IL1RAPL1: variants seen among roughly 807,000 people sequenced by gnomAD.
IL1RAPL1 encodes the protein interleukin-1 receptor accessory protein-like 1.
In IL1RAPL1, 3 loss-of-function variants were observed where a neutral mutation model predicts 48.4. The ratio of observed to expected loss-of-function variants is 0.06; its 90% CI spans 0.03 to 0.16. The LOEUF (loss-of-function observed/expected upper bound fraction) is 0.16. IL1RAPL1 is among the 10% of genes least tolerant of loss of function. The pLI is 1.00. For missense variants in IL1RAPL1, 349 were observed against 530.6 expected (o/e 0.66, Z 3.36); for synonymous variants, 185 against 187.7 (o/e 0.99, Z 0.12).
intron 3 of IL1RAPL1, among the ~76,000 whole-genome samples, chrX:29,318,905 A>G (rs1932780297): frequency 8.9e-6 from 1 of 112,013 alleles, no homozygotes; most frequent in Non-Finnish European, 1.9e-5. Flanking sequence ...ATTATAGATC[A>G]ACAATTATTT....
At chrX:29,560,411 A>G (rs887444805) in intron 5 of IL1RAPL1, among the ~76,000 whole-genome samples, 1 of 111,907 alleles carries the variant, frequency 8.9e-6, no homozygotes, top group Non-Finnish European at 1.9e-5. Flanking sequence ...CTAAATATCT[A>G]TATCTATCTC....
intron 9 of IL1RAPL1, among the ~76,000 whole-genome samples, chrX:29,944,844 C>A: frequency 9.0e-6 from 1 of 110,952 alleles, no homozygotes; most frequent in East Asian, 2.8e-4. Context: ...GGCCTCCAGT[C>A]ACAAGTTTCA....
At chrX:29,267,159 C>A (rs760180904) in intron 2 of IL1RAPL1, among the ~76,000 whole-genome samples, 1 of 112,132 alleles carries the variant, frequency 8.9e-6, no homozygotes, top group Non-Finnish European at 1.9e-5. Flanking sequence ...TGTTAACCTG[C>A]CTTTTCTCAC....
chrX:29,111,270 T>G (rs1341074583), intron 2 of IL1RAPL1, among the ~76,000 whole-genome samples: 1 of 112,077 alleles, frequency 8.9e-6, no homozygotes, highest in African/African-American at 3.2e-5. Flanking sequence ...TTAAAAAAAC[T>G]GTTTCACTAA....
chrX:29,599,402 G>T (rs2147061140), intron 5 of IL1RAPL1, among the ~76,000 whole-genome samples: 1 of 112,040 alleles, frequency 8.9e-6, no homozygotes, highest in Non-Finnish European at 1.9e-5. Context: ...TAATCTAATA[G>T]GTTTTCCTTT....
chrX:28,691,654 T>C (rs980492430), intron 1 of IL1RAPL1, among the ~76,000 whole-genome samples: 1 of 111,710 alleles, frequency 9.0e-6, no homozygotes, highest in Non-Finnish European at 1.9e-5. Context: ...ATGAGAGCAC[T>C]CTTCTTCTTC....
intron 8 of IL1RAPL1, 46 bp from the exon 9 acceptor site, chrX:29,941,605 G>A (rs762924946): frequency 1.6e-5 from 18 of 1,158,088 alleles, no homozygotes; most frequent in Non-Finnish European, 2.0e-5. Flanking sequence ...TTATGATTTT[G>A]GATGTGAATA....
At chrX:29,110,198 G>A (rs1361691123) in intron 2 of IL1RAPL1, among the ~76,000 whole-genome samples, 1 of 111,865 alleles carries the variant, frequency 8.9e-6, no homozygotes, top group Non-Finnish European at 1.9e-5. Flanking sequence ...CTTTATATCA[G>A]TAAGCCATTT....
intron 2 of IL1RAPL1, among the ~76,000 whole-genome samples, chrX:28,795,737 A>G (rs1000152538): frequency 9.0e-6 from 1 of 110,950 alleles, no homozygotes; most frequent in African/African-American, 3.3e-5. Flanking sequence ...TCAAAGTATC[A>G]TAAGTATATA....
intron 5 of IL1RAPL1, among the ~76,000 whole-genome samples, chrX:29,473,463 C>T (rs1171304671): frequency 1.8e-5 from 2 of 111,134 alleles, no homozygotes; most frequent in African/African-American, 6.5e-5. Context: ...TATGCTTTCT[C>T]AGCCTCTCAG....
At chrX:29,267,126 C>G (rs1189140108) in intron 2 of IL1RAPL1, among the ~76,000 whole-genome samples, 1 of 112,074 alleles carries the variant, frequency 8.9e-6, no homozygotes, top group African/African-American at 3.2e-5. Context: ...TCCACAGATA[C>G]CTAATCATTT....
chrX:29,181,966 C>T (rs1417531595), intron 2 of IL1RAPL1, among the ~76,000 whole-genome samples: 1 of 111,206 alleles, frequency 9.0e-6, no homozygotes, highest in East Asian at 2.8e-4. Flanking sequence ...CTGCTAAAGC[C>T]CATGGAATCT....
At chrX:29,846,942 C>T (rs1263018983) in intron 6 of IL1RAPL1, among the ~76,000 whole-genome samples, 1 of 110,666 alleles carries the variant, frequency 9.0e-6, no homozygotes, top group Non-Finnish European at 1.9e-5. Flanking sequence ...TTTTCCCATG[C>T]TCCTTCATTT....
rs1470257194 is a variant in IL1RAPL1, at chrX:29,366,731, G to A, written c.363-29527G>A. Among the ~76,000 whole-genome samples, 3 of 107,932 alleles carry A rather than the reference G, an allele frequency of 2.8e-5. No homozygotes were observed. In the Admixed American group the frequency reaches 3.0e-4, roughly 11 times the overall value. The allele number at this position is 107,932 out of a possible 115,157, so 93.7% of individuals were successfully genotyped here. ...CTACAGGTACCCGGCACCACGCCCGGCTAATTTTCATATTTTTAGTAGAGA... is the reference window on the plus strand; with the variant it reads ...CTACAGGTACCCGGCACCACGCCCGACTAATTTTCATATTTTTAGTAGAGA... On this transcript the variant is annotated intron_variant, in intron 3 of 10. Transcript: ENST00000378993.
At chrX:29,805,149 C>G (rs746805157) in intron 6 of IL1RAPL1, among the ~76,000 whole-genome samples, 61 of 111,383 alleles carry the variant, frequency 5.5e-4, no homozygotes, top group Admixed American at 1.5e-3. Flanking sequence ...ACTTTTCATA[C>G]AATATCATTC....
At position 29,787,969 on chromosome X, in the gene IL1RAPL1, G is replaced by A. The variant is rs138463239; in HGVS notation, c.778+119465G>A. 5.1e-3 allele frequency among the ~76,000 whole-genome samples: 565 copies of A among 111,756 alleles called. 4 individuals carry two copies. The highest frequency in any genetic ancestry group is 0.017 in the African/African-American group (526 of 30,780). On this transcript the variant is annotated intron_variant, in intron 6 of 10. Transcript: ENST00000378993. The stretch of plus-strand genomic sequence containing the variant: ...GTCAAAGCACTGATTTTAATTTTTG[G>A]TGATACCCCCATTTAAAACAGATAT...
At chrX:29,820,194 G>T (rs1930583308) in intron 6 of IL1RAPL1, among the ~76,000 whole-genome samples, 2 of 108,191 alleles carry the variant, frequency 1.8e-5, no homozygotes, top group Non-Finnish European at 3.8e-5. Context: ...CATATACATG[G>T]TATACAGTTT....
intron 5 of IL1RAPL1, among the ~76,000 whole-genome samples, chrX:29,547,992 A>G (rs1344877792): frequency 8.9e-6 from 1 of 112,533 alleles, no homozygotes; most frequent in African/African-American, 3.2e-5. Context: ...ATAGAACATT[A>G]GCATTAATCA....
At chrX:28,977,393 G>A (rs181691214) in intron 2 of IL1RAPL1, among the ~76,000 whole-genome samples, 2 of 111,526 alleles carry the variant, frequency 1.8e-5, no homozygotes, top group African/African-American at 6.5e-5. Context: ...AGAGAGAGTG[G>A]GGAGGAGCCA....
Sources: allele counts gnomAD v4.1 joint callset (sites outside exome capture counted in the v4.1 genomes callset), GRCh38; gene constraint gnomAD v4.1.1; transcripts MANE v1.5; gene names NCBI Gene and HGNC (gene_info 2026-07-23, HGNC 2026-07-21).